MAST2: variants seen among roughly 807,000 people sequenced by gnomAD.
The protein encoded by MAST2 is microtubule associated serine/threonine kinase 2, also known as microtubule-associated serine/threonine-protein kinase 2.
Under a neutral mutation model 147.4 loss-of-function variants are expected in MAST2, and 70 were observed. The observed-to-expected ratio is 0.47, with a 90% CI of 0.39 to 0.58. The LOEUF (loss-of-function observed/expected upper bound fraction) is 0.58. Ranked by LOEUF, MAST2 falls within the 20% of genes least tolerant of loss-of-function variation. MAST2 has a pLI of 0.00. For synonymous variants in MAST2, 869 were observed against 896.8 expected (o/e 0.97, Z 0.55); for missense variants, 2,080 against 2,302.3 (o/e 0.90, Z 1.98).
At chr1:45,859,650 C>T (rs946614725) in intron 3 of MAST2, among the ~76,000 whole-genome samples, 2 of 152,104 alleles carry the variant, frequency 1.3e-5, no homozygotes, top group African/African-American at 4.8e-5. Flanking sequence ...ATGTAAAGAA[C>T]CTTATAGCTT....
chr1:45,856,477 A>AT (rs889447698), intron 3 of MAST2, among the ~76,000 whole-genome samples: 1 of 152,180 alleles, frequency 6.6e-6, no homozygotes, highest in African/African-American at 2.4e-5. Flanking sequence ...TGCACATGTG[A>AT]TTTTGACATC....
chr1:46,020,143 G>A (rs543963614), intron 11 of MAST2, among the ~76,000 whole-genome samples: 1 of 152,318 alleles, frequency 6.6e-6, no homozygotes, highest in African/African-American at 2.4e-5. Flanking sequence ...TGAGGCATGA[G>A]GACATGTAAA....
chr1:45,831,977 A>G (rs1644971550), intron 3 of MAST2, among the ~76,000 whole-genome samples: 1 of 151,862 alleles, frequency 6.6e-6, no homozygotes, highest in Non-Finnish European at 1.5e-5. Context: ...ATGGGGTTTC[A>G]CCATGTTGGC....
At position 45,988,388 on chromosome 1, in the gene MAST2, G is replaced by A. The variant is rs570159178; in HGVS notation, c.593-9336G>A. Among the ~76,000 whole-genome samples the A allele has an allele frequency of 2.6e-5, 4 of 152,164 alleles. No homozygotes were observed. The South Asian group carries it at 6.2e-4, about 24-fold the overall frequency. On this transcript the variant is annotated intron_variant, in intron 5 of 28. Coordinates refer to ENST00000361297, the MANE Select transcript of MAST2 (RefSeq NM_015112.3). ...ATATTGTTTAGTTTATGAATATTTGGGGATTTTCCAGAGATGTTTCTGTTA... is the reference window on the plus strand; with the variant it reads ...ATATTGTTTAGTTTATGAATATTTGAGGATTTTCCAGAGATGTTTCTGTTA...
chr1:45,803,629 C>T lies in MAST2; in HGVS notation c.-267C>T, dbSNP rs2148611631. The T allele has an allele frequency of 8.5e-6, 2 of 235,586 alleles. No individual in the cohort carries two copies. The highest frequency in any genetic ancestry group is 1.6e-4 in the East Asian group (2 of 12,152). The allele number at this position is 235,586 out of a possible 1,614,324, so 14.6% of individuals were successfully genotyped here. A position where few individuals can be genotyped will look rare whatever the true frequency, so the allele number is the denominator to read the frequency against. On this transcript the variant is annotated 5_prime_UTR_variant, in exon 1 of 29. Transcript: ENST00000361297. The stretch of plus-strand genomic sequence containing the variant: ...GGCTGGCTGTAGGCAGGCGGCTGAG[C>T]CGGCGGCGGGTGGCCTGCCCAACGT...
intron 3 of MAST2, among the ~76,000 whole-genome samples, chr1:45,875,624 C>A (rs79897272): frequency 6.6e-6 from 1 of 151,610 alleles, no homozygotes; most frequent in African/African-American, 2.4e-5. Context: ...GGCTTGTGCC[C>A]GGGGAAGTAG....
intron 4 of MAST2, among the ~76,000 whole-genome samples, chr1:45,884,455 G>T (rs186574585): frequency 6.6e-6 from 1 of 152,300 alleles, no homozygotes; most frequent in African/African-American, 2.4e-5. Context: ...AGGGGGCTGA[G>T]ACAGGAGAAT....
In MAST2 at chr1:45,824,495, A is replaced by G; in HGVS notation, c.240A>G (p.Ser80=). Residue 80 remains serine, a synonymous_variant, in exon 2 of 29, where the codon TCA becomes TCG. Coordinates refer to ENST00000361297, the MANE Select transcript of MAST2 (RefSeq NM_015112.3). ...AACTCAGTAATCCTGACATATTTTC[A>G]TCCACTGGAAAAGTTAAACTTCAGC... ...FRKLSNPDIF[S]STGKVKLQRQ... 1 of 1,612,578 alleles carries G rather than the reference A, an allele frequency of 6.2e-7. No homozygotes were observed. Among genetic ancestry groups the G allele is most frequent in the Non-Finnish European group, 8.5e-7 (1 of 1,179,086 alleles).
chr1:45,939,317 A>G (rs1401566586), intron 4 of MAST2, among the ~76,000 whole-genome samples: 3 of 152,176 alleles, frequency 2.0e-5, no homozygotes. Context: ...TCAATTGACC[A>G]CAAGTGTTAA....
intron 5 of MAST2, among the ~76,000 whole-genome samples, chr1:45,987,762 G>GTTTTTTTTTTTTTT: frequency 1.6e-5 from 1 of 62,742 alleles, no homozygotes; most frequent in Non-Finnish European, 2.8e-5. Flanking sequence ...AGCATTTCTT[G>GTTTTTTTTTTTTTT]TTTTTTTTTT....
chr1:46,014,970 A>G (rs2149256820), intron 10 of MAST2, among the ~76,000 whole-genome samples: 1 of 151,850 alleles, frequency 6.6e-6, no homozygotes, highest in Non-Finnish European at 1.5e-5. Context: ...ATTATAACAA[A>G]CTGTCTCTCA....
At chr1:46,014,173 CTTTT>C (rs200021234) in intron 10 of MAST2, among the ~76,000 whole-genome samples, 1 of 148,340 alleles carries the variant, frequency 6.7e-6, no homozygotes, top group Non-Finnish European at 1.5e-5. Context: ...ATGTATTTTT[CTTTT>C]TTTTATTATT....
At position 45,943,189 on chromosome 1, in the gene MAST2, A is replaced by C. The variant is rs115658385; in HGVS notation, c.501-16197A>C. Among the ~76,000 whole-genome samples, 1,128 of 152,342 alleles carry C rather than the reference A, an allele frequency of 7.4e-3. 17 individuals carry two copies. Among genetic ancestry groups the C allele is most frequent in the African/African-American group, 0.026 (1,065 of 41,578 alleles). On this transcript the variant is annotated intron_variant, in intron 4 of 28. Coordinates refer to ENST00000361297, the MANE Select transcript of MAST2 (RefSeq NM_015112.3). The stretch of plus-strand genomic sequence containing the variant: ...TTACTACTGGATGTAAAGTGTGTGC[A>C]TGGTAGATTCTTGGAGGCATGATGA...
At chr1:45,882,594 G>A (rs1033952458) in intron 4 of MAST2, among the ~76,000 whole-genome samples, 199 bp downstream of exon 4, 1 of 152,092 alleles carries the variant, frequency 6.6e-6, no homozygotes, top group Non-Finnish European at 1.5e-5. Context: ...CATTCCTCCC[G>A]ACCTCCAAAC....
intron 3 of MAST2, 136 bp from the exon 4 acceptor site, chr1:45,882,228 A>C: frequency 1.8e-6 from 1 of 566,356 alleles, no homozygotes; most frequent in East Asian, 3.2e-5. Flanking sequence ...TAAGAGGCAA[A>C]GAAAAAGTTG....
intron 5 of MAST2, among the ~76,000 whole-genome samples, chr1:45,964,133 G>T (rs984340854): frequency 2.6e-5 from 4 of 152,154 alleles, no homozygotes; most frequent in Non-Finnish European, 5.9e-5. Context: ...TTTTATTGAG[G>T]ATTTTTGCAT....
At chr1:45,873,968 A>T (rs1183752793) in intron 3 of MAST2, among the ~76,000 whole-genome samples, 1 of 152,106 alleles carries the variant, frequency 6.6e-6, no homozygotes, top group African/African-American at 2.4e-5. Flanking sequence ...CTGCTGGCAC[A>T]TGCCAATATG....
chr1:45,927,468 T>TG (rs1469403265), intron 4 of MAST2, among the ~76,000 whole-genome samples: 1 of 152,188 alleles, frequency 6.6e-6, no homozygotes, highest in Non-Finnish European at 1.5e-5. Context: ...TCCAGGCGCG[T>TG]ATTCTCTTTC....
intron 4 of MAST2, among the ~76,000 whole-genome samples, chr1:45,944,557 T>A (rs1657769237): frequency 1.3e-5 from 2 of 152,224 alleles, no homozygotes; most frequent in Admixed American, 1.3e-4. Context: ...TAGCAATCAT[T>A]TATTCACCCC....
Sources: gnomAD v4.1 joint callset for allele counts (sites outside exome capture counted in the v4.1 genomes callset) on GRCh38, gnomAD v4.1.1 for gene constraint, MANE v1.5 for transcripts, NCBI Gene and HGNC (gene_info 2026-07-23, HGNC 2026-07-21) for gene names.